Variants in TBC1D22A observed in about 807,000 individuals in gnomAD.
The protein encoded by TBC1D22A is TBC1 domain family member 22A.
Under a neutral mutation model 60.2 loss-of-function variants are expected in TBC1D22A, and 38 were observed. The observed-to-expected ratio is 0.63, with a 90% confidence interval of 0.49 to 0.83. The LOEUF (loss-of-function observed/expected upper bound fraction) is 0.83. Among genes scored for constraint, TBC1D22A ranks in the 40% least tolerant of loss-of-function variants. TBC1D22A has a pLI of 0.00. For synonymous variants in TBC1D22A, 302 were observed against 281.7 expected (o/e 1.07, Z -0.72); for missense variants, 628 against 701.0 (o/e 0.90, Z 1.18).
At chr22:46,803,165 C>T (rs1456748899) in intron 4 of TBC1D22A, among the ~76,000 whole-genome samples, 2 of 152,086 alleles carry the variant, frequency 1.3e-5, no homozygotes, top group Non-Finnish European at 2.9e-5. Flanking sequence ...AAAAGACCCC[C>T]CTCTGCACCC....
intron 11 of TBC1D22A, among the ~76,000 whole-genome samples, chr22:47,103,216 G>C (rs1298236796): frequency 6.6e-6 from 1 of 152,162 alleles, no homozygotes; most frequent in Non-Finnish European, 1.5e-5. Flanking sequence ...CTTAGTCTTG[G>C]GGCTGGGATT....
At chr22:46,903,709 C>G (rs568367868) in intron 7 of TBC1D22A, among the ~76,000 whole-genome samples, 8 of 152,316 alleles carry the variant, frequency 5.3e-5, no homozygotes, top group African/African-American at 1.9e-4. Context: ...TATTTCCTCT[C>G]GGCTGGGCCG....
chr22:47,044,871 T>C (rs2062978391), intron 11 of TBC1D22A, among the ~76,000 whole-genome samples: 1 of 152,224 alleles, frequency 6.6e-6, no homozygotes. Context: ...CATGTATCAA[T>C]CATGTTGCTT....
chr22:46,828,059 C>T (rs1336969590), intron 4 of TBC1D22A, among the ~76,000 whole-genome samples: 2 of 152,196 alleles, frequency 1.3e-5, no homozygotes, highest in African/African-American at 2.4e-5. Flanking sequence ...CAGGGACTTC[C>T]GTGTGCCATT....
intron 8 of TBC1D22A, among the ~76,000 whole-genome samples, chr22:46,923,853 C>T (rs374089958): frequency 3.3e-4 from 50 of 152,206 alleles, no homozygotes; most frequent in African/African-American, 1.2e-3. Flanking sequence ...TTTCTACCTT[C>T]TGTACATAAT....
chr22:47,034,607 C>T (rs1048456014), intron 10 of TBC1D22A, among the ~76,000 whole-genome samples: 4 of 152,238 alleles, frequency 2.6e-5, no homozygotes, highest in African/African-American at 9.6e-5. Context: ...CGGGCCCCTG[C>T]GTTCCCTGTG....
intron 12 of TBC1D22A, among the ~76,000 whole-genome samples, chr22:47,118,665 A>G (rs1309882207): frequency 6.6e-6 from 1 of 152,202 alleles, no homozygotes; most frequent in Non-Finnish European, 1.5e-5. Flanking sequence ...GTTTTTATGT[A>G]GAATTCCTAA....
At chr22:47,168,439 G>A (rs2068292737) in intron 12 of TBC1D22A, among the ~76,000 whole-genome samples, 1 of 152,190 alleles carries the variant, frequency 6.6e-6, no homozygotes, top group Admixed American at 6.5e-5. Context: ...GCTCGGTTTT[G>A]GGGATATAGG....
intron 4 of TBC1D22A, among the ~76,000 whole-genome samples, chr22:46,827,433 C>T (rs138597366): frequency 4.8e-4 from 73 of 152,374 alleles, no homozygotes; most frequent in African/African-American, 1.8e-3. Context: ...ACCTCACCCA[C>T]ATTGCCTATC....
chr22:46,847,635 A>G (rs1341286298), intron 4 of TBC1D22A, among the ~76,000 whole-genome samples: 4 of 152,124 alleles, frequency 2.6e-5, no homozygotes, highest in Admixed American at 6.5e-5. Flanking sequence ...CATGCCTGCC[A>G]GGTCTGTTGA....
chr22:47,000,798 C>A (rs574659010), intron 10 of TBC1D22A, among the ~76,000 whole-genome samples: 1 of 150,612 alleles, frequency 6.6e-6, no homozygotes, highest in Non-Finnish European at 1.5e-5. Flanking sequence ...CTGGATAAGA[C>A]CTTTTTGTTT....
At chr22:46,989,539 G>C (rs1457680500) in intron 9 of TBC1D22A, among the ~76,000 whole-genome samples, 1 of 152,090 alleles carries the variant, frequency 6.6e-6, no homozygotes, top group Non-Finnish European at 1.5e-5. Flanking sequence ...CAGAAAATAG[G>C]AAGGCCCGAG....
chr22:46,912,096 T>C lies in TBC1D22A; in HGVS notation c.923T>C (p.Ile308Thr). 6.2e-7 allele frequency: 1 copy of C among 1,613,950 alleles called. No individual in the cohort carries two copies. The highest frequency in any genetic ancestry group is 8.5e-7 in the Non-Finnish European group (1 of 1,179,934). ...VTEIFERILF[I>T]WAIRHPASGY... The stretch of plus-strand genomic sequence containing the variant: ...CAGATTTTTGAAAGGATCTTGTTCA[T>C]ATGGGCGATCCGCCACCCAGCCAGT... The change falls in exon 8 of 13, where the codon ATA (isoleucine) becomes ACA (threonine). Residue 308 changes from isoleucine (I) to threonine (T), a missense_variant. Transcript: ENST00000337137.
chr22:46,982,664 G>A (rs188455569), intron 9 of TBC1D22A, among the ~76,000 whole-genome samples: 1 of 152,352 alleles, frequency 6.6e-6, no homozygotes, highest in Non-Finnish European at 1.5e-5. Context: ...CCGGTCGTGT[G>A]AACAACGAAT....
intron 11 of TBC1D22A, among the ~76,000 whole-genome samples, chr22:47,070,924 G>A (rs73170424): frequency 0.15 from 20,668 of 138,512 alleles, 2,576 homozygotes; most frequent in African/African-American, 0.27. Flanking sequence ...GGTTGGAGCG[G>A]AGCTGACCTG....
At chr22:46,784,681 G>A (rs1156472942) in intron 1 of TBC1D22A, among the ~76,000 whole-genome samples, 3 of 152,226 alleles carry the variant, frequency 2.0e-5, no homozygotes, top group Non-Finnish European at 4.4e-5. Context: ...CATGCAAATA[G>A]TGGCCAGTAG....
At chr22:46,821,394 TAGTGCTTCTTTTGGGAGCTCTTGC>T (rs2085825899) in intron 4 of TBC1D22A, among the ~76,000 whole-genome samples, 1 of 152,194 alleles carries the variant, frequency 6.6e-6, no homozygotes, top group Non-Finnish European at 1.5e-5. Context: ...TTTCCATATT[TAGTGCTTCTTTTGGGAGCTCTTGC>T]AGGGCAGAGC....
At chr22:47,135,784 G>A (rs967491953) in intron 12 of TBC1D22A, among the ~76,000 whole-genome samples, 5 of 152,278 alleles carry the variant, frequency 3.3e-5, no homozygotes, top group African/African-American at 1.2e-4. Flanking sequence ...TGTGCGGAGA[G>A]TGCTGTGTTC....
At chr22:46,995,140 C>T (rs992418284) in intron 9 of TBC1D22A, among the ~76,000 whole-genome samples, 11 of 152,178 alleles carry the variant, frequency 7.2e-5, no homozygotes, top group African/African-American at 2.2e-4. Context: ...AATCAGCCCA[C>T]GACATCTAGG....
Sources: gnomAD v4.1 joint callset for allele counts (sites outside exome capture counted in the v4.1 genomes callset) on GRCh38, gnomAD v4.1.1 for gene constraint, MANE v1.5 for transcripts, NCBI Gene and HGNC (gene_info 2026-07-23, HGNC 2026-07-21) for gene names.